MAGI3: variants seen among roughly 807,000 people sequenced by gnomAD.
The protein encoded by MAGI3 is membrane associated guanylate kinase, WW and PDZ domain containing 3, also known as membrane-associated guanylate kinase, WW and PDZ domain-containing protein 3.
Under a neutral mutation model 121.8 loss-of-function variants are expected in MAGI3, and 43 were observed. The observed-to-expected ratio is 0.35, with a 90% CI of 0.28 to 0.46. MAGI3 has a LOEUF of 0.46. Ranked by LOEUF, MAGI3 falls within the 20% of genes least tolerant of loss-of-function variation. The pLI is 1.00. For synonymous variants in MAGI3, 553 were observed against 639.3 expected (o/e 0.86, Z 2.04); for missense variants, 1,547 against 1,797.3 (o/e 0.86, Z 2.52).
At chr1:113,587,213 T>TTGTA (rs1648424941) in intron 4 of MAGI3, among the ~76,000 whole-genome samples, 1 of 152,082 alleles carries the variant, frequency 6.6e-6, no homozygotes, top group African/African-American at 2.4e-5. Context: ...GTTTGTTTGT[T>TTGTA]TTGAGACAGA....
intron 6 of MAGI3, among the ~76,000 whole-genome samples, chr1:113,598,227 C>CG (rs1395935673): frequency 6.6e-6 from 1 of 151,056 alleles, no homozygotes; most frequent in Non-Finnish European, 1.5e-5. Flanking sequence ...CCCCCACCCC[C>CG]CCTCCAAAAA....
Position 113,683,144 on chromosome 1 carries a change from T to TAAGA in MAGI3, c.3577_3580dup (p.Arg1194LysfsTer12), listed in dbSNP as rs776890850. Reference sequence around the variant, plus strand: ...AGTCTCTTCTCCAGAAAAATGTGAGTAAGAGGGATCCACCCAGCAGTCATG... The same window carrying TAAGA: ...AGTCTCTTCTCCAGAAAAATGTGAGTAAGAAAGAGGGATCCACCCAGCAGTCATG... On this transcript the variant is annotated frameshift_variant, in exon 21 of 21. Transcript: ENST00000307546. LOFTEE classifies it low-confidence loss of function (END_TRUNC). 5.0e-5 allele frequency: 81 copies of TAAGA among 1,613,294 alleles called. No homozygotes were observed. In the African/African-American group the frequency reaches 9.3e-4, roughly 19 times the overall value.
At chr1:113,448,958 A>C (rs1400477500) in intron 1 of MAGI3, among the ~76,000 whole-genome samples, 1 of 152,100 alleles carries the variant, frequency 6.6e-6, no homozygotes, top group African/African-American at 2.4e-5. Context: ...ATCTCTACTA[A>C]AAATACAAAA....
intron 1 of MAGI3, among the ~76,000 whole-genome samples, chr1:113,473,308 C>T (rs996472944): frequency 3.9e-5 from 6 of 151,956 alleles, no homozygotes; most frequent in South Asian, 2.1e-4. Flanking sequence ...ATGTGCACAA[C>T]GTGCAGGTTT....
intron 1 of MAGI3, among the ~76,000 whole-genome samples, chr1:113,445,414 C>A (rs1654129658): frequency 6.6e-6 from 1 of 151,950 alleles, no homozygotes; most frequent in African/African-American, 2.4e-5. Context: ...TCAGCCTGGG[C>A]AACATAGTGA....
At position 113,616,288 on chromosome 1, in the gene MAGI3, GTT is replaced by G. The variant is rs1650458356; in HGVS notation, c.1076+1633_1076+1634del. Among the ~76,000 whole-genome samples the G allele has an allele frequency of 2.0e-5, 3 of 152,318 alleles. No homozygotes were observed. In the South Asian group the frequency reaches 6.2e-4, roughly 32 times the overall value. ...CAGAATGAGCTCATTTTACAGGAGG[GTT>G]TTGTATTAGACTAAGAAGGAGCAGA... On this transcript the variant is annotated intron_variant, in intron 7 of 20. Coordinates refer to ENST00000307546, the MANE Select transcript of MAGI3 (RefSeq NM_001142782.2).
At chr1:113,416,425 A>T (rs374355135) in intron 1 of MAGI3, among the ~76,000 whole-genome samples, 2 of 106,810 alleles carry the variant, frequency 1.9e-5, no homozygotes, top group African/African-American at 3.7e-5. Context: ...AATAATTAAT[A>T]ATATATATTA....
At chr1:113,540,255 G>A (rs1184161556) in intron 1 of MAGI3, among the ~76,000 whole-genome samples, 1 of 152,128 alleles carries the variant, frequency 6.6e-6, no homozygotes, top group African/African-American at 2.4e-5. Context: ...TAAGACAAGC[G>A]TTTATTTAGC....
At chr1:113,430,393 G>A (rs1359528905) in intron 1 of MAGI3, among the ~76,000 whole-genome samples, 1 of 152,096 alleles carries the variant, frequency 6.6e-6, no homozygotes, top group African/African-American at 2.4e-5. Flanking sequence ...CATGAGTGAG[G>A]CCCTCTATTA....
intron 2 of MAGI3, among the ~76,000 whole-genome samples, chr1:113,579,083 C>G (rs977556619): frequency 1.3e-5 from 2 of 152,106 alleles, no homozygotes; most frequent in African/African-American, 2.4e-5. Context: ...CAGGCACTGT[C>G]CTAAATGCAT....
chr1:113,552,806 A>G (rs1287397981), intron 2 of MAGI3, among the ~76,000 whole-genome samples: 1 of 152,212 alleles, frequency 6.6e-6, no homozygotes, highest in Non-Finnish European at 1.5e-5. Flanking sequence ...ACCTAGACGC[A>G]ATGACACATC....
chr1:113,633,852 A>G (rs1651825587), intron 9 of MAGI3, among the ~76,000 whole-genome samples: 1 of 152,188 alleles, frequency 6.6e-6, no homozygotes, highest in African/African-American at 2.4e-5. Flanking sequence ...AGTCCCACCA[A>G]TGGTGTAAAA....
intron 1 of MAGI3, among the ~76,000 whole-genome samples, chr1:113,398,566 G>A (rs1651238854): frequency 1.3e-5 from 2 of 152,046 alleles, no homozygotes; most frequent in Non-Finnish European, 2.9e-5. Context: ...TCTGGCTTCA[G>A]GGGAGTTTGT....
At position 113,658,129 on chromosome 1, in the gene MAGI3, A is replaced by C. The variant is rs1653579103; in HGVS notation, c.2630-951A>C. ...AGGAGCCCACATACCTGATAAGTTT[A>C]AAGTTTACTGACCTAGGCTAGGAAA... On this transcript the variant is annotated intron_variant, in intron 15 of 20. Transcript: ENST00000307546. The surrounding 1 kb of genome is among the most constrained non-coding windows in gnomAD (Gnocchi z 4.0). Among the ~76,000 whole-genome samples, 1 of 152,264 alleles carries C rather than the reference A, an allele frequency of 6.6e-6. No homozygotes were observed.
intron 6 of MAGI3, among the ~76,000 whole-genome samples, chr1:113,613,349 T>C (rs1335643813): frequency 1.3e-5 from 2 of 152,188 alleles, no homozygotes; most frequent in African/African-American, 4.8e-5. Context: ...TCAATATATA[T>C]GCAGAAAAGT....
intron 14 of MAGI3, among the ~76,000 whole-genome samples, chr1:113,651,804 T>G (rs1653186058): frequency 6.6e-6 from 1 of 151,440 alleles, no homozygotes; most frequent in African/African-American, 2.4e-5. Flanking sequence ...ATTTGTTTTG[T>G]TTTTTTTTAA....
intron 1 of MAGI3, among the ~76,000 whole-genome samples, chr1:113,504,121 A>T (rs1257704120): frequency 6.6e-6 from 1 of 152,110 alleles, no homozygotes; most frequent in Non-Finnish European, 1.5e-5. Flanking sequence ...CTCATATTTT[A>T]TATGGAAAGA....
intron 6 of MAGI3, among the ~76,000 whole-genome samples, chr1:113,601,221 G>A (rs1196642185): frequency 1.3e-5 from 2 of 152,038 alleles, no homozygotes; most frequent in African/African-American, 2.4e-5. Context: ...ATTGACAAAT[G>A]GGATCTAATT....
chr1:113,416,057 CAT>C (rs1437247052), intron 1 of MAGI3, among the ~76,000 whole-genome samples: 5 of 146,960 alleles, frequency 3.4e-5, no homozygotes, highest in African/African-American at 1.0e-4. Flanking sequence ...ATTAATGACA[CAT>C]ATTAATTATG....
Sources: gnomAD v4.1 joint callset for allele counts (sites outside exome capture counted in the v4.1 genomes callset) on GRCh38, gnomAD v4.1.1 for gene constraint, Gnocchi (gnomAD v3.1) non-coding constraint, MANE v1.5 for transcripts, NCBI Gene and HGNC (gene_info 2026-07-23, HGNC 2026-07-21) for gene names.